Variants in EBF1 observed in about 807,000 individuals in gnomAD.
EBF1 encodes the protein EBF transcription factor 1.
In EBF1, 10 loss-of-function variants were observed where a neutral mutation model predicts 68.4. The observed-to-expected ratio is 0.15, with a 90% CI of 0.09 to 0.25. The LOEUF is 0.25. Ranked by LOEUF, EBF1 falls within the 10% of genes least tolerant of loss-of-function variation. The probability of loss-of-function intolerance (pLI) is 1.00; values close to 1 mark genes in which losing one functional copy is unlikely to be tolerated. For missense variants in EBF1, 509 were observed against 794.4 expected (o/e 0.64, Z 4.32); for synonymous variants, 298 against 299.8 (o/e 0.99, Z 0.06).
chr5:158,882,311 T>G (rs746641263), intron 6 of EBF1, among the ~76,000 whole-genome samples: 14 of 152,184 alleles, frequency 9.2e-5, no homozygotes, highest in Non-Finnish European at 1.8e-4. Flanking sequence ...CCATTTGGTA[T>G]AAAAGCAGCA....
chr5:159,084,571 C>CA (rs200028682), intron 5 of EBF1, 95 bp downstream of exon 5: 131,367 of 830,916 alleles, frequency 0.16, 4,964 homozygotes, highest in African/African-American at 0.38. Context: ...AAATGTGTAC[C>CA]AAAAAAAAAA....
chr5:158,753,891 AGTT>A (rs1445700406), intron 10 of EBF1, among the ~76,000 whole-genome samples: 5 of 152,234 alleles, frequency 3.3e-5, no homozygotes, highest in South Asian at 2.1e-4. Context: ...CTATAAACAA[AGTT>A]GTTGTAGACC....
Position 158,885,992 on chromosome 5 carries a change from G to T in EBF1, c.555-45882C>A, listed in dbSNP as rs1158975391. Among the ~76,000 whole-genome samples, 3 of 152,214 alleles carry T rather than the reference G, an allele frequency of 2.0e-5. No individual in the cohort carries two copies. In the East Asian group the frequency reaches 5.8e-4, roughly 29 times the overall value. On this transcript the variant is annotated intron_variant, in intron 6 of 15. Coordinates refer to ENST00000313708, the MANE Select transcript of EBF1 (RefSeq NM_024007.5). ...CTCACTCCAAGTACAGTTTGAAGGA[G>T]GTTGTTCTAAGGCAGGAGGAGGAAA...
chr5:159,051,123 C>T (rs1773554799), intron 6 of EBF1, among the ~76,000 whole-genome samples: 1 of 151,900 alleles, frequency 6.6e-6, no homozygotes, highest in South Asian at 2.1e-4. Context: ...AACCAAGTAA[C>T]CTATGAAAAA....
At position 158,939,299 on chromosome 5, in the gene EBF1, A is replaced by G. The variant is rs76674957; in HGVS notation, c.555-99189T>C. On this transcript the variant is annotated intron_variant, in intron 6 of 15. Transcript: ENST00000313708. The stretch of plus-strand genomic sequence containing the variant: ...TGCACATAGAAATAACCTGTGCTCC[A>G]AAGTACAAAGCTGAAAGTGCCAGAA... Among the ~76,000 whole-genome samples the G allele has an allele frequency of 4.5e-3, 693 of 152,360 alleles. 4 individuals are homozygous for G. The highest frequency in any genetic ancestry group is 0.015 in the African/African-American group (639 of 41,584).
At chr5:158,844,499 T>C (rs1023452734) in intron 6 of EBF1, among the ~76,000 whole-genome samples, 1 of 152,218 alleles carries the variant, frequency 6.6e-6, no homozygotes, top group African/African-American at 2.4e-5. Flanking sequence ...CCATGAACTC[T>C]AGGATTTTAT....
intron 8 of EBF1, among the ~76,000 whole-genome samples, chr5:158,822,456 T>A (rs1423266526): frequency 6.6e-6 from 1 of 152,190 alleles, no homozygotes; most frequent in Non-Finnish European, 1.5e-5. Context: ...TGAGTGGCAT[T>A]CACTTTCCTT....
intron 6 of EBF1, among the ~76,000 whole-genome samples, chr5:158,854,800 C>T (rs1482486739): frequency 6.6e-6 from 1 of 152,160 alleles, no homozygotes. Context: ...TGGGAGGACC[C>T]TTGAATCTGG....
At chr5:158,852,423 T>A (rs1793137774) in intron 6 of EBF1, among the ~76,000 whole-genome samples, 1 of 152,106 alleles carries the variant, frequency 6.6e-6, no homozygotes, top group Non-Finnish European at 1.5e-5. Flanking sequence ...ATAATGAATT[T>A]AATTTGAGCA....
intron 11 of EBF1, among the ~76,000 whole-genome samples, chr5:158,727,540 C>T (rs557104163): frequency 9.2e-5 from 14 of 152,240 alleles, no homozygotes; most frequent in Non-Finnish European, 1.6e-4. Flanking sequence ...GAGAGAAAGG[C>T]GAAACTGTAT....
At chr5:159,032,621 T>C (rs531835223) in intron 6 of EBF1, among the ~76,000 whole-genome samples, 2 of 152,336 alleles carry the variant, frequency 1.3e-5, no homozygotes, top group East Asian at 1.9e-4. Flanking sequence ...AAGAATTCTA[T>C]GGAAACATAA....
chr5:158,956,725 C>G (rs1435613852), intron 6 of EBF1, among the ~76,000 whole-genome samples: 1 of 151,204 alleles, frequency 6.6e-6, no homozygotes, highest in Non-Finnish European at 1.5e-5. Flanking sequence ...CATGTACTAC[C>G]ACTCCCACTA....
intron 6 of EBF1, among the ~76,000 whole-genome samples, chr5:159,058,070 G>A (rs1189043104): frequency 6.6e-6 from 1 of 152,164 alleles, no homozygotes; most frequent in Non-Finnish European, 1.5e-5. Flanking sequence ...TCTGACAGTG[G>A]AATTCCAAGC....
intron 6 of EBF1, among the ~76,000 whole-genome samples, chr5:159,061,614 C>T (rs1012144545): frequency 2.0e-5 from 3 of 152,142 alleles, no homozygotes; most frequent in Admixed American, 6.5e-5. Flanking sequence ...GAGGGAGGTC[C>T]GAGATGCGAT....
chr5:159,028,827 T>C (rs1357044843), intron 6 of EBF1, among the ~76,000 whole-genome samples: 2 of 152,306 alleles, frequency 1.3e-5, no homozygotes, highest in South Asian at 2.1e-4. Context: ...ATGGTTATTC[T>C]GCAGGAAAAG....
intron 6 of EBF1, among the ~76,000 whole-genome samples, chr5:158,989,148 C>T (rs1048245187): frequency 3.3e-5 from 5 of 152,188 alleles, no homozygotes; most frequent in Non-Finnish European, 7.3e-5. Context: ...CCTCCAACAC[C>T]TAATTGAGCG....
At chr5:158,745,273 G>A (rs144576664) in intron 10 of EBF1, among the ~76,000 whole-genome samples, 284 of 152,252 alleles carry the variant, frequency 1.9e-3, no homozygotes, top group African/African-American at 6.2e-3. Flanking sequence ...CTATTAGCTC[G>A]TGAGATGGTG....
At chr5:158,948,811 G>A (rs2127495391) in intron 6 of EBF1, among the ~76,000 whole-genome samples, 1 of 152,326 alleles carries the variant, frequency 6.6e-6, no homozygotes, top group African/African-American at 2.4e-5. Context: ...ATTAGAAAAT[G>A]TCATGTCTGA....
At chr5:158,725,116 C>T (rs1762728818) in intron 11 of EBF1, among the ~76,000 whole-genome samples, 1 of 152,150 alleles carries the variant, frequency 6.6e-6, no homozygotes, top group Admixed American at 6.5e-5. Flanking sequence ...TTTCGAATGC[C>T]AGTGAAGGAG....
Sources: allele counts gnomAD v4.1 joint callset (sites outside exome capture counted in the v4.1 genomes callset), GRCh38; gene constraint gnomAD v4.1.1; transcripts MANE v1.5; gene names NCBI Gene and HGNC (gene_info 2026-07-23, HGNC 2026-07-21).